ITGBL1: variants seen among roughly 807,000 people sequenced by gnomAD.
The protein encoded by ITGBL1 is integrin beta-like protein 1.
A neutral mutation model predicts 68.5 loss-of-function variants in ITGBL1; 51 were observed. The ratio of observed to expected loss-of-function variants is 0.74; its 90% CI spans 0.59 to 0.94. ITGBL1 has a LOEUF of 0.94. ITGBL1 is among the 40% of genes least tolerant of loss of function. The probability of loss-of-function intolerance (pLI) is 0.00; values close to 1 mark genes in which losing one functional copy is unlikely to be tolerated. For missense variants in ITGBL1, 649 were observed against 647.4 expected, an observed-to-expected ratio of 1.00 and a Z score of -0.03; for synonymous variants, 209 against 227.3, an observed-to-expected ratio of 0.92 and a Z score of 0.72.
At chr13:101,550,639 A>G (rs896683451) in intron 2 of ITGBL1, among the ~76,000 whole-genome samples, 1 of 152,216 alleles carries the variant, frequency 6.6e-6, no homozygotes, top group Non-Finnish European at 1.5e-5. Context: ...ACAGTTCTCA[A>G]CAAAAGTTCT....
intron 7 of ITGBL1, among the ~76,000 whole-genome samples, chr13:101,691,666 C>T (rs1318961135): frequency 2.0e-5 from 3 of 152,088 alleles, no homozygotes; most frequent in East Asian, 1.9e-4. Flanking sequence ...TATAGCCTTC[C>T]GGTGCTGCAT....
At chr13:101,675,780 C>T (rs978440441) in intron 7 of ITGBL1, among the ~76,000 whole-genome samples, 2 of 151,936 alleles carry the variant, frequency 1.3e-5, no homozygotes, top group Admixed American at 1.3e-4. Context: ...ATCTTTTCTC[C>T]TTCTGAGAAC....
At chr13:101,560,493 C>T (rs749566950) in intron 2 of ITGBL1, among the ~76,000 whole-genome samples, 2 of 151,858 alleles carry the variant, frequency 1.3e-5, no homozygotes, top group Non-Finnish European at 2.9e-5. Context: ...AAAATTGTTG[C>T]CAGTAATAAT....
chr13:101,557,593 A>G (rs988667983), intron 2 of ITGBL1, among the ~76,000 whole-genome samples: 14 of 152,162 alleles, frequency 9.2e-5, no homozygotes, highest in African/African-American at 3.1e-4. Context: ...GTGAAGATGC[A>G]TATTTTTTTT....
At chr13:101,529,875 G>C (rs1283004529) in intron 2 of ITGBL1, among the ~76,000 whole-genome samples, 1 of 152,096 alleles carries the variant, frequency 6.6e-6, no homozygotes, top group Non-Finnish European at 1.5e-5. Context: ...GAATTACCTA[G>C]TCTCAGGTAG....
chr13:101,557,700 C>A (rs1345419456), intron 2 of ITGBL1, among the ~76,000 whole-genome samples: 1 of 152,006 alleles, frequency 6.6e-6, no homozygotes, highest in Non-Finnish European at 1.5e-5. Context: ...AAGTTCACTT[C>A]CACTGACCAA....
intron 8 of ITGBL1, among the ~76,000 whole-genome samples, chr13:101,697,388 T>A (rs2034027027): frequency 6.6e-6 from 1 of 152,196 alleles, no homozygotes; most frequent in Non-Finnish European, 1.5e-5. Flanking sequence ...TTCATAAATC[T>A]TCTTTGGGTA....
intron 7 of ITGBL1, among the ~76,000 whole-genome samples, chr13:101,635,278 T>A (rs1227229701): frequency 6.6e-6 from 1 of 151,980 alleles, no homozygotes; most frequent in Non-Finnish European, 1.5e-5. Flanking sequence ...TTTCCACCCC[T>A]GGCCTACCTT....
chr13:101,604,975 TATGCGTAC>T (rs2030651311), intron 7 of ITGBL1, among the ~76,000 whole-genome samples: 1 of 124,794 alleles, frequency 8.0e-6, no homozygotes, highest in Non-Finnish European at 1.8e-5. Flanking sequence ...TATATACATA[TATGCGTAC>T]ATGTGTATAT....
At chr13:101,684,205 T>C (rs2033703270) in intron 7 of ITGBL1, among the ~76,000 whole-genome samples, 1 of 152,044 alleles carries the variant, frequency 6.6e-6, no homozygotes, top group African/African-American at 2.4e-5. Context: ...GGATTCTCTA[T>C]TCTATTCTAC....
chr13:101,518,799 G>T (rs1448828833), intron 2 of ITGBL1, among the ~76,000 whole-genome samples: 1 of 152,144 alleles, frequency 6.6e-6, no homozygotes, highest in East Asian at 1.9e-4. Context: ...GACCATATTA[G>T]TACATTGTAA....
chr13:101,630,771 T>C (rs2031951223), intron 7 of ITGBL1, among the ~76,000 whole-genome samples: 1 of 152,190 alleles, frequency 6.6e-6, no homozygotes, highest in Admixed American at 6.5e-5. Context: ...ATTTTACAAG[T>C]GTACTTTTAT....
At position 101,715,638 on chromosome 13, in the gene ITGBL1, G is replaced by C; in HGVS notation, c.1469G>C (p.Gly490Ala). ...GGAAATGCATGTGAAATCTGGCTTGGCTCAGAATATCCTTAACAATTACAT... is the reference window on the plus strand; with the variant it reads ...GGAAATGCATGTGAAATCTGGCTTGCCTCAGAATATCCTTAACAATTACAT... ...WNGNACEIWL[G>A]SEYP Residue 490 changes from glycine (G) to alanine (A), a missense_variant, in exon 11 of 11, where the codon GGC becomes GCC. Gly to Ala is a moderately conservative substitution (Grantham distance 60). Transcript: ENST00000376180. 6.2e-7 allele frequency: 1 copy of C among 1,610,926 alleles called. No homozygotes were observed. Among genetic ancestry groups the C allele is most frequent in the East Asian group, 2.2e-5 (1 of 44,828 alleles).
At chr13:101,492,147 C>T (rs2048788866) in intron 2 of ITGBL1, among the ~76,000 whole-genome samples, 1 of 152,094 alleles carries the variant, frequency 6.6e-6, no homozygotes, top group Non-Finnish European at 1.5e-5. Context: ...GGTATATTCC[C>T]AGTAATGAGA....
intron 2 of ITGBL1, among the ~76,000 whole-genome samples, chr13:101,462,619 G>A (rs1448526409): frequency 6.6e-6 from 1 of 152,032 alleles, no homozygotes; most frequent in African/African-American, 2.4e-5. Flanking sequence ...TTCTCGCTGT[G>A]TTGCCGAGGC....
intron 9 of ITGBL1, chr13:101,712,905 C>T (rs1164074285): frequency 6.6e-6 from 1 of 152,186 alleles, no homozygotes; most frequent in Non-Finnish European, 1.5e-5. Flanking sequence ...GGAGCAGCAG[C>T]TCACTGGGTC....
intron 6 of ITGBL1, among the ~76,000 whole-genome samples, chr13:101,590,652 C>G (rs961929010): frequency 6.6e-6 from 1 of 152,218 alleles, no homozygotes; most frequent in Non-Finnish European, 1.5e-5. Flanking sequence ...CAACAAGTCT[C>G]TCGCAAATGT....
At chr13:101,671,540 G>A (rs556585928) in intron 7 of ITGBL1, among the ~76,000 whole-genome samples, 61 of 142,904 alleles carry the variant, frequency 4.3e-4, no homozygotes, top group African/African-American at 1.5e-3. Context: ...CCGGGTTCAC[G>A]CCATTCTCCT....
intron 2 of ITGBL1, among the ~76,000 whole-genome samples, chr13:101,553,072 C>G (rs1338003281): frequency 1.3e-5 from 2 of 151,980 alleles, no homozygotes; most frequent in Non-Finnish European, 2.9e-5. Context: ...TTTTAGACAA[C>G]AAACTTTGGG....
Sources: gnomAD v4.1 joint callset for allele counts (sites outside exome capture counted in the v4.1 genomes callset) on GRCh38, gnomAD v4.1.1 for gene constraint, MANE v1.5 for transcripts, NCBI Gene and HGNC (gene_info 2026-07-23, HGNC 2026-07-21) for gene names.